The following SLC41A2 variants were observed in gnomAD, a reference collection of about 807,000 sequenced individuals.
SLC41A2 encodes the protein solute carrier family 41 member 2.
Under a neutral mutation model 58.3 loss-of-function variants are expected in SLC41A2, and 32 were observed. That is an observed-to-expected ratio of 0.55 (90% CI 0.41 to 0.74). The LOEUF is 0.74. SLC41A2 is among the 30% of genes least tolerant of loss of function. SLC41A2 has a pLI of 0.00. For missense variants in SLC41A2, 514 were observed against 680.6 expected, an observed-to-expected ratio of 0.76 and a Z score of 2.72; for synonymous variants, 190 against 235.0, an observed-to-expected ratio of 0.81 and a Z score of 1.75.
intron 2 of SLC41A2, among the ~76,000 whole-genome samples, chr12:104,910,836 G>A (rs1193918198): frequency 2.0e-5 from 3 of 152,138 alleles, no homozygotes; most frequent in Non-Finnish European, 4.4e-5. Flanking sequence ...TAATGGCCCT[G>A]CAAAGCTGTC....
At chr12:104,884,822 T>C (rs1013648049) in intron 6 of SLC41A2, among the ~76,000 whole-genome samples, 1 of 152,224 alleles carries the variant, frequency 6.6e-6, no homozygotes, top group African/African-American at 2.4e-5. Context: ...GGACTACAAG[T>C]TATCCAACTG....
At chr12:104,836,969 C>T (rs886745092) in intron 10 of SLC41A2, among the ~76,000 whole-genome samples, 1 of 152,122 alleles carries the variant, frequency 6.6e-6, no homozygotes, top group African/African-American at 2.4e-5. Flanking sequence ...AATGGCAACT[C>T]GTAAAATCAT....
chr12:104,837,883 G>T (rs1039268885), intron 10 of SLC41A2, among the ~76,000 whole-genome samples: 1 of 152,050 alleles, frequency 6.6e-6, no homozygotes, highest in Non-Finnish European at 1.5e-5. Flanking sequence ...GAAAAATAAG[G>T]TTACAAGAGG....
chr12:104,930,842 C>G (rs78573482), intron 1 of SLC41A2, among the ~76,000 whole-genome samples: 1 of 152,208 alleles, frequency 6.6e-6, no homozygotes, highest in African/African-American at 2.4e-5. Context: ...TCAGTCATCT[C>G]GCAGAATATG....
At chr12:104,823,006 G>A (rs2041699624) in intron 10 of SLC41A2, among the ~76,000 whole-genome samples, 1 of 152,070 alleles carries the variant, frequency 6.6e-6, no homozygotes, top group Admixed American at 6.5e-5. Flanking sequence ...ATTGCTTAGA[G>A]AAAGAACATA....
chr12:104,948,769 T>C (rs1286271539), intron 1 of SLC41A2, among the ~76,000 whole-genome samples: 1 of 152,194 alleles, frequency 6.6e-6, no homozygotes, highest in Non-Finnish European at 1.5e-5. Context: ...CCCTCTCAGC[T>C]CCTTTCATGC....
intron 2 of SLC41A2, among the ~76,000 whole-genome samples, chr12:104,914,056 T>C (rs2135800774): frequency 6.6e-6 from 1 of 151,908 alleles, no homozygotes; most frequent in East Asian, 1.9e-4. Flanking sequence ...GGCGAGACTC[T>C]ATCTCAAAAA....
At chr12:104,850,313 G>T (rs1205898004) in intron 8 of SLC41A2, among the ~76,000 whole-genome samples, 2 of 152,000 alleles carry the variant, frequency 1.3e-5, no homozygotes, top group African/African-American at 4.8e-5. Flanking sequence ...TGATGTTTAG[G>T]ATCCAGTTTC....
intron 10 of SLC41A2, among the ~76,000 whole-genome samples, chr12:104,815,332 T>C (rs1386647882): frequency 6.6e-6 from 1 of 152,214 alleles, no homozygotes; most frequent in Admixed American, 6.5e-5. Context: ...ATATCATCTG[T>C]TTGTTCTTTA....
chr12:104,897,790 AT>A (rs1339122392), intron 3 of SLC41A2, among the ~76,000 whole-genome samples: 1 of 152,186 alleles, frequency 6.6e-6, no homozygotes, highest in Non-Finnish European at 1.5e-5. Context: ...TTGCATTGGC[AT>A]GTGGATAGAG....
chr12:104,896,957 T>G (rs978819899), intron 3 of SLC41A2, among the ~76,000 whole-genome samples: 1 of 152,176 alleles, frequency 6.6e-6, no homozygotes, highest in African/African-American at 2.4e-5. Flanking sequence ...CTGTAATGCA[T>G]GCATGGCTTT....
intron 1 of SLC41A2, among the ~76,000 whole-genome samples, chr12:104,940,160 T>C (rs1362283778): frequency 1.3e-5 from 2 of 151,812 alleles, no homozygotes; most frequent in African/African-American, 4.8e-5. Flanking sequence ...ATTACAAGCA[T>C]GCACCACCAC....
At chr12:104,879,130 G>A (rs1252114885) in intron 6 of SLC41A2, among the ~76,000 whole-genome samples, 4 of 152,268 alleles carry the variant, frequency 2.6e-5, no homozygotes, top group Non-Finnish European at 2.9e-5. Context: ...GTGTCTGTTC[G>A]TATCCTTCAC....
Position 104,897,577 on chromosome 12 carries a change from A to C in SLC41A2, c.664-2232T>G, listed in dbSNP as rs563218771. On this transcript the variant is annotated intron_variant, in intron 3 of 10. Coordinates refer to ENST00000258538, the MANE Select transcript of SLC41A2 (RefSeq NM_001352171.3). ...CTAATCTAGAAGTCTCTGAATCTTT[A>C]CTCTTCTTAGTCTAAGATAAAACAA... 3.9e-5 allele frequency among the ~76,000 whole-genome samples: 6 copies of C among 152,104 alleles called. No individual in the cohort carries two copies. The East Asian group carries it at 9.6e-4, about 24-fold the overall frequency.
At chr12:104,927,623 A>G (rs2046895217) in intron 2 of SLC41A2, among the ~76,000 whole-genome samples, 1 of 152,116 alleles carries the variant, frequency 6.6e-6, no homozygotes, top group African/African-American at 2.4e-5. Context: ...AATACCCTCT[A>G]ATGTTTGAAG....
At chr12:104,903,224 C>A (rs1315934256) in intron 3 of SLC41A2, among the ~76,000 whole-genome samples, 1 of 152,042 alleles carries the variant, frequency 6.6e-6, no homozygotes, top group Non-Finnish European at 1.5e-5. Context: ...CAATCCTTAG[C>A]CCCCTATACC....
chr12:104,897,467 C>T (rs935929361), intron 3 of SLC41A2, among the ~76,000 whole-genome samples: 14 of 147,952 alleles, frequency 9.5e-5, no homozygotes, highest in Non-Finnish European at 1.7e-4. Flanking sequence ...TAATCAGTTT[C>T]TTTTTTTTTT....
chr12:104,859,673 C>T (rs1357954423), intron 8 of SLC41A2, among the ~76,000 whole-genome samples: 1 of 152,120 alleles, frequency 6.6e-6, no homozygotes, highest in East Asian at 1.9e-4. Context: ...AAATTTTAGA[C>T]ATGAAATTAG....
At position 104,810,038 on chromosome 12, in the gene SLC41A2, T is replaced by G. The variant is rs572952927; in HGVS notation, c.1537-4701A>C. 1.6e-3 allele frequency among the ~76,000 whole-genome samples: 238 copies of G among 152,198 alleles called. 2 individuals are homozygous for G. The highest frequency in any genetic ancestry group is 5.6e-3 in the African/African-American group (231 of 41,508). ...GCTTGAGACAGTGTCATATAGGAGA[T>G]TCCTATGAGAATAAGAATTGTTTGT... On this transcript the variant is annotated intron_variant, in intron 10 of 10. Transcript: ENST00000258538.
Sources: gnomAD v4.1 joint callset for allele counts (sites outside exome capture counted in the v4.1 genomes callset) on GRCh38, gnomAD v4.1.1 for gene constraint, MANE v1.5 for transcripts, NCBI Gene and HGNC (gene_info 2026-07-23, HGNC 2026-07-21) for gene names.